NMI: variants seen among roughly 807,000 people sequenced by gnomAD.
The protein encoded by NMI is N-myc-interactor.
Under a neutral mutation model 34.3 loss-of-function variants are expected in NMI, and 39 were observed. That is an observed-to-expected ratio of 1.14 (90% CI 0.88 to 1.49). NMI has a LOEUF of 1.49. Ranked by LOEUF, NMI falls within the 40% of genes most tolerant of loss-of-function variation. The pLI is 0.00. For missense variants in NMI, 339 were observed against 358.1 expected (o/e 0.95, Z 0.43); for synonymous variants, 113 against 120.3 (o/e 0.94, Z 0.40).
At chr2:151,287,701 G>T (rs933439125) in intron 1 of NMI, among the ~76,000 whole-genome samples, 14 of 152,062 alleles carry the variant, frequency 9.2e-5, no homozygotes, top group Admixed American at 7.9e-4. Flanking sequence ...AATTACGTGT[G>T]TACCTATGTC....
In NMI at chr2:151,271,740, C is replaced by A; in HGVS notation, c.635-8G>T. 1 of 1,365,486 alleles carries A rather than the reference C, an allele frequency of 7.3e-7. No individual in the cohort carries two copies. The highest frequency in any genetic ancestry group is 1.4e-5 in the African/African-American group (1 of 69,056). The allele number at this position is 1,365,486 out of a possible 1,614,324, so 84.6% of individuals were successfully genotyped here. ...TCAAAATCTTGTCAGCCACTAAAAG[C>A]AAAACAAAAACAATACTTGTCTTTT... On this transcript the variant is annotated splice_polypyrimidine_tract_variant and splice_region_variant and intron_variant, in intron 6 of 7. Coordinates refer to ENST00000243346, the MANE Select transcript of NMI (RefSeq NM_004688.3).
chr2:151,282,208 T>C (rs1012959250), intron 2 of NMI, among the ~76,000 whole-genome samples, 165 bp from the exon 3 acceptor site: 1 of 152,196 alleles, frequency 6.6e-6, no homozygotes, highest in African/African-American at 2.4e-5. Flanking sequence ...ATATTTTACA[T>C]CATCACCTGT....
intron 6 of NMI, among the ~76,000 whole-genome samples, chr2:151,272,184 G>A (rs965528973): frequency 6.6e-6 from 1 of 152,156 alleles, no homozygotes; most frequent in African/African-American, 2.4e-5. Context: ...CCAAAGCAGG[G>A]AGGGGATTGA....
chr2:151,271,383 A>G (rs1683184525), intron 7 of NMI, among the ~76,000 whole-genome samples: 1 of 152,230 alleles, frequency 6.6e-6, no homozygotes, highest in Admixed American at 6.5e-5. Flanking sequence ...GTACAAAAAT[A>G]AAAATTGTGC....
At chr2:151,277,360 C>T (rs1222540087) in intron 4 of NMI, 1 of 152,234 alleles carries the variant, frequency 6.6e-6, no homozygotes, top group African/African-American at 2.4e-5. Context: ...AAACCCCCAA[C>T]ATCTGGTGAT....
At chr2:151,270,898 TAGAA>T in intron 7 of NMI, 23 bp from the exon 8 acceptor site, 1 of 1,563,794 alleles carries the variant, frequency 6.4e-7, no homozygotes, top group Non-Finnish European at 8.8e-7. Context: ...AAATGATAAA[TAGAA>T]AGATTTCTAA....
intron 3 of NMI, 49 bp from the exon 4 acceptor site, chr2:151,279,039 A>G (rs1412191824): frequency 8.0e-7 from 1 of 1,246,694 alleles, no homozygotes; most frequent in Non-Finnish European, 1.1e-6. Flanking sequence ...GAAATAACTT[A>G]AGTCCTTCCA....
chr2:151,282,810 C>T (rs968418441), intron 2 of NMI, 58 bp downstream of exon 2: 1 of 915,880 alleles, frequency 1.1e-6, no homozygotes, highest in Non-Finnish European at 1.6e-6. Context: ...ACATGCCTTA[C>T]TGCAAAACTA....
Position 151,271,745 on chromosome 2 carries a change from C to A in NMI, c.635-13G>T. ...ATCTTGTCAGCCACTAAAAGCAAAA[C>A]AAAAACAATACTTGTCTTTTTTATA... On this transcript the variant is annotated splice_polypyrimidine_tract_variant and intron_variant, in intron 6 of 7. Transcript: ENST00000243346. 1 of 1,256,792 alleles carries A rather than the reference C, an allele frequency of 8.0e-7. No homozygotes were observed. Among genetic ancestry groups the A allele is most frequent in the Non-Finnish European group, 1.2e-6 (1 of 867,714 alleles). The allele number at this position is 1,256,792 out of a possible 1,614,324, so 77.9% of individuals were successfully genotyped here. A position where few individuals can be genotyped will look rare whatever the true frequency, so the allele number is the denominator to read the frequency against.
chr2:151,271,586 G>T (rs763360756), intron 7 of NMI, 40 bp downstream of exon 7: 1 of 1,026,170 alleles, frequency 9.7e-7, no homozygotes, highest in South Asian at 1.3e-5. Flanking sequence ...GTGGGTTTGG[G>T]CAGTGAGTTC....
intron 6 of NMI, 67 bp downstream of exon 6, chr2:151,275,415 TAC>T (rs1346423995): frequency 8.1e-6 from 11 of 1,355,284 alleles, no homozygotes; most frequent in African/African-American, 1.4e-5. Context: ...AGAATAGGAA[TAC>T]TTTCAGAAAC....
intron 6 of NMI, 45 bp from the exon 7 acceptor site, chr2:151,271,777 G>T (rs368096567): frequency 2.1e-6 from 2 of 951,334 alleles, no homozygotes; most frequent in Non-Finnish European, 3.3e-6. Context: ...TATATCATAA[G>T]CATTTTTAAC....
chr2:151,282,998 A>G, intron 1 of NMI, 44 bp from the exon 2 acceptor site: 1 of 940,402 alleles, frequency 1.1e-6, no homozygotes, highest in Non-Finnish European at 1.5e-6. Flanking sequence ...GCATATATAC[A>G]CAAATTTAAG....
In NMI at chr2:151,289,252, C is replaced by CAA. The variant is rs5835358; in HGVS notation, c.-7+339_-7+340dup. Among the ~76,000 whole-genome samples the CAA allele has an allele frequency of 1.1e-3, 85 of 74,238 alleles. 1 individual carries two copies. The highest frequency in any genetic ancestry group is 2.5e-3 in the East Asian group (6 of 2,386). 48.7% of individuals were successfully genotyped at this position (74,238 alleles called of 152,430 possible). ...TGAGCGACAGAGCGAGACTCCGTCT[C>CAA]AAAAAAAAAAAAAAAAAAAAAAAAG... On this transcript the variant is annotated intron_variant, in intron 1 of 7. Coordinates refer to ENST00000243346, the MANE Select transcript of NMI (RefSeq NM_004688.3).
intron 4 of NMI, among the ~76,000 whole-genome samples, 196 bp from the exon 5 acceptor site, chr2:151,276,060 CA>C (rs1284411935): frequency 7.9e-5 from 12 of 151,794 alleles, no homozygotes; most frequent in African/African-American, 2.7e-4. Flanking sequence ...TTTGGGGGGT[CA>C]GGGGGAAGGA....
chr2:151,280,014 G>A (rs1275026175), intron 3 of NMI, among the ~76,000 whole-genome samples: 8 of 151,966 alleles, frequency 5.3e-5, no homozygotes, highest in Non-Finnish European at 1.0e-4. Context: ...TGGCCAACAT[G>A]GTAAAACCCA....
chr2:151,270,633 T>C lies in NMI; in HGVS notation c.*60A>G. ...TTTTTAAGGAAAAGCATATTCATTT[T>C]TGTCAAACATTTACAGTAATCCGGG... is the stretch of plus-strand genomic sequence containing the variant. On this transcript the variant is annotated 3_prime_UTR_variant, in exon 8 of 8. Coordinates refer to ENST00000243346, the MANE Select transcript of NMI (RefSeq NM_004688.3). 1 of 1,342,626 alleles carries C rather than the reference T, an allele frequency of 7.4e-7. No homozygotes were observed. The highest frequency in any genetic ancestry group is 1.0e-6 in the Non-Finnish European group (1 of 974,516). The allele number at this position is 1,342,626 out of a possible 1,614,324, so 83.2% of individuals were successfully genotyped here.
chr2:151,281,946 AC>A lies in NMI; in HGVS notation c.177+1del. The stretch of plus-strand genomic sequence containing the variant: ...TAGTATATAAAATAATTAAGAGAGT[AC>A]CTGGAATTCTTTGGTAGCCTCTTGT... On this transcript the variant is annotated splice_donor_variant, in intron 3 of 7. Coordinates refer to ENST00000243346, the MANE Select transcript of NMI (RefSeq NM_004688.3). LOFTEE classifies it high-confidence loss of function. 6 of 1,415,208 alleles carry A rather than the reference AC, an allele frequency of 4.2e-6. No individual in the cohort carries two copies. The highest frequency in any genetic ancestry group is 6.0e-6 in the Non-Finnish European group (6 of 1,006,482). The allele number at this position is 1,415,208 out of a possible 1,614,324, so 87.7% of individuals were successfully genotyped here.
intron 2 of NMI, among the ~76,000 whole-genome samples, chr2:151,282,454 TG>T (rs1683423844): frequency 6.6e-6 from 1 of 152,184 alleles, no homozygotes; most frequent in Non-Finnish European, 1.5e-5. Context: ...TTGGTGTTGT[TG>T]TTGTTTTTGT....
Sources: allele counts gnomAD v4.1 joint callset (sites outside exome capture counted in the v4.1 genomes callset), GRCh38; gene constraint gnomAD v4.1.1; transcripts MANE v1.5; gene names NCBI Gene and HGNC (gene_info 2026-07-23, HGNC 2026-07-21).